Variants in KANSL1 observed in about 807,000 individuals in gnomAD.
The protein encoded by KANSL1 is KAT8 regulatory NSL complex subunit 1.
In KANSL1, 22 loss-of-function variants were observed where a neutral mutation model predicts 103.6. The ratio of observed to expected loss-of-function variants is 0.21; its 90% CI spans 0.15 to 0.30. The LOEUF (loss-of-function observed/expected upper bound fraction) is 0.30, where lower values mean the gene tolerates loss of function less well. KANSL1 is among the 10% of genes least tolerant of loss of function. The pLI is 1.00. For synonymous variants in KANSL1, 600 were observed against 527.6 expected, an observed-to-expected ratio of 1.14 and a Z score of -1.88; for missense variants, 1,337 against 1,399.8, an observed-to-expected ratio of 0.96 and a Z score of 0.72.
intron 2 of KANSL1, among the ~76,000 whole-genome samples, chr17:46,158,533 T>C (rs1381481628): frequency 6.6e-6 from 1 of 152,064 alleles, no homozygotes; most frequent in Non-Finnish European, 1.5e-5. Flanking sequence ...CAGCCAATTT[T>C]TGTATTTTTT....
chr17:46,143,488 T>G (rs1280726771), intron 2 of KANSL1, among the ~76,000 whole-genome samples: 2 of 143,636 alleles, frequency 1.4e-5, no homozygotes, highest in Non-Finnish European at 3.0e-5. Context: ...GAGCAAAACT[T>G]CGTCTCAAAA....
intron 1 of KANSL1, among the ~76,000 whole-genome samples, chr17:46,215,520 CA>C (rs1382627987): frequency 6.6e-6 from 1 of 152,190 alleles, no homozygotes; most frequent in African/African-American, 2.4e-5. Flanking sequence ...GAAGGTCACG[CA>C]GCCAAAAGGG....
chr17:46,134,150 C>T (rs1479765568), intron 2 of KANSL1, among the ~76,000 whole-genome samples: 1 of 152,218 alleles, frequency 6.6e-6, no homozygotes, highest in Non-Finnish European at 1.5e-5. Context: ...GTACTCCCAG[C>T]ACTTTGGGAG....
chr17:46,033,513 G>A (rs2077068233), intron 11 of KANSL1, 53 bp from the exon 12 acceptor site: 3 of 1,496,726 alleles, frequency 2.0e-6, no homozygotes, highest in Admixed American at 3.4e-5. Flanking sequence ...TAAAACTGGG[G>A]GCAGGGTCAA....
At chr17:46,101,342 C>G (rs2042304468) in intron 2 of KANSL1, among the ~76,000 whole-genome samples, 2 of 152,176 alleles carry the variant, frequency 1.3e-5, no homozygotes, top group African/African-American at 2.4e-5. Context: ...TTATGTGATC[C>G]TAAACATATA....
intron 7 of KANSL1, among the ~76,000 whole-genome samples, chr17:46,046,840 TAAA>T (rs36102082): frequency 4.0e-4 from 48 of 118,662 alleles, no homozygotes; most frequent in Non-Finnish European, 3.4e-4. Context: ...GTCTCAAAAG[TAAA>T]AAAAAAAAAA....
At chr17:46,149,651 T>C (rs2044965304) in intron 2 of KANSL1, among the ~76,000 whole-genome samples, 2 of 152,272 alleles carry the variant, frequency 1.3e-5, no homozygotes, top group East Asian at 3.8e-4. Flanking sequence ...ATTGTGCTAA[T>C]CCAACCAACT....
At chr17:46,070,975 A>ATT (rs1261571249) in intron 4 of KANSL1, among the ~76,000 whole-genome samples, 4 of 152,194 alleles carry the variant, frequency 2.6e-5, no homozygotes, top group African/African-American at 9.7e-5. Context: ...TATCTTTCTT[A>ATT]TACAAAGTCT....
chr17:46,087,602 G>C (rs2146879488), intron 3 of KANSL1, among the ~76,000 whole-genome samples: 1 of 152,302 alleles, frequency 6.6e-6, no homozygotes, highest in South Asian at 2.1e-4. Flanking sequence ...TATAACAGAA[G>C]TTGAGAGAAG....
At chr17:46,108,404 T>C (rs985377854) in intron 2 of KANSL1, among the ~76,000 whole-genome samples, 5 of 152,234 alleles carry the variant, frequency 3.3e-5, no homozygotes, top group Admixed American at 3.3e-4. Context: ...TATTAAGGCT[T>C]TCCCTTAACT....
In KANSL1 at chr17:46,033,454, C is replaced by T. The variant is rs2146318945; in HGVS notation, c.2673G>A (p.Arg891=). The T allele has an allele frequency of 1.4e-5, 23 of 1,614,154 alleles. No individual in the cohort carries two copies. The highest frequency in any genetic ancestry group is 1.9e-5 in the Non-Finnish European group (22 of 1,180,004). Reference sequence around the variant, plus strand: ...CCTTCAGAGACTGAAGATCAACCTCCCGCCAGCTGCAAAACCAAGAACAGA... The same window carrying T: ...CCTTCAGAGACTGAAGATCAACCTCTCGCCAGCTGCAAAACCAAGAACAGA... ...QYKEILTPSW[R]EVDLQSLKGS... Residue 891 remains arginine, a synonymous_variant, in exon 12 of 15, where the codon CGG becomes CGA. Coordinates refer to ENST00000432791, the MANE Select transcript of KANSL1 (RefSeq NM_015443.4).
intron 2 of KANSL1, among the ~76,000 whole-genome samples, chr17:46,159,650 C>A (rs1399115105): frequency 6.6e-6 from 1 of 152,322 alleles, no homozygotes; most frequent in Non-Finnish European, 1.5e-5. Flanking sequence ...TTACAATTCA[C>A]CTGTAAGCAC....
intron 2 of KANSL1, among the ~76,000 whole-genome samples, chr17:46,138,983 A>G (rs116713859): frequency 1.2e-3 from 185 of 152,376 alleles, no homozygotes; most frequent in African/African-American, 4.3e-3. Context: ...TCAATCCTAA[A>G]GGCATCAGAC....
intron 2 of KANSL1, among the ~76,000 whole-genome samples, chr17:46,143,803 C>CAAAAAAAAAAAAAAAAAAAA (rs57361021): frequency 4.8e-4 from 41 of 85,516 alleles, no homozygotes; most frequent in Non-Finnish European, 6.1e-4. Context: ...GACTCCATCT[C>CAAAAAAAAAAAAAAAAAAAA]AAAAAAAAAA....
intron 1 of KANSL1, among the ~76,000 whole-genome samples, chr17:46,203,239 C>CA (rs918055642): frequency 1.1e-4 from 16 of 150,876 alleles, no homozygotes; most frequent in South Asian, 6.2e-4. Context: ...GACTCCGTCT[C>CA]AAAAAAAAAG....
chr17:46,198,518 G>A (rs1481373747), upstream of KANSL1, among the ~76,000 whole-genome samples: 4 of 151,036 alleles, frequency 2.6e-5, no homozygotes, highest in African/African-American at 9.8e-5. Flanking sequence ...GATCACCTGA[G>A]GCCTGGAGTC....
chr17:46,146,615 C>T (rs2044716535), intron 2 of KANSL1, among the ~76,000 whole-genome samples: 1 of 147,048 alleles, frequency 6.8e-6, no homozygotes. Context: ...CGGCGGATCA[C>T]GAGGTCAGGA....
chr17:46,217,682 A>G (rs1333458013), intron 1 of KANSL1, among the ~76,000 whole-genome samples: 1 of 152,132 alleles, frequency 6.6e-6, no homozygotes, highest in Admixed American at 6.5e-5. Flanking sequence ...TAAGGTCAGG[A>G]GTTTGAGACC....
chr17:46,084,286 G>A (rs1385165019), intron 3 of KANSL1, among the ~76,000 whole-genome samples: 4 of 152,180 alleles, frequency 2.6e-5, no homozygotes, highest in Non-Finnish European at 5.9e-5. Flanking sequence ...GAAGGCTGAA[G>A]AAGGAGAATC....
Sources: allele counts gnomAD v4.1 joint callset (sites outside exome capture counted in the v4.1 genomes callset), GRCh38; gene constraint gnomAD v4.1.1; transcripts MANE v1.5; gene names NCBI Gene and HGNC (gene_info 2026-07-23, HGNC 2026-07-21).